The following KLF15 variants were observed in gnomAD, a reference collection of about 807,000 sequenced individuals.
KLF15 encodes KLF transcription factor 15.
KLF15 carries 4 observed loss-of-function variants against 24.6 expected under a neutral mutation model. That is an observed-to-expected ratio of 0.16 (90% CI 0.08 to 0.37). The LOEUF (loss-of-function observed/expected upper bound fraction) is 0.37. Among genes scored for constraint, KLF15 ranks in the 10% least tolerant of loss-of-function variants. The pLI, the probability that KLF15 is intolerant of heterozygous loss-of-function variation, is 1.00. For missense variants in KLF15, 496 were observed against 560.6 expected (o/e 0.88, Z 1.16); for synonymous variants, 246 against 236.3 (o/e 1.04, Z -0.37).
At chr3:126,305,641 A>C in the KLF15 span, among the ~76,000 whole-genome samples, 3 of 152,136 alleles carry the variant, frequency 2.0e-5, no homozygotes, top group African/African-American at 7.2e-5. Context: ...TGCAAGGGAG[A>C]CTGGGAAAGG....
downstream of KLF15, among the ~76,000 whole-genome samples, chr3:126,338,164 G>A (rs1364606181): frequency 1.3e-5 from 2 of 152,186 alleles, no homozygotes; most frequent in East Asian, 1.9e-4. Flanking sequence ...GCCCAGATTT[G>A]TAGTAAGGCC....
chr3:126,303,661 T>C, the KLF15 span, among the ~76,000 whole-genome samples: 4 of 152,234 alleles, frequency 2.6e-5, no homozygotes, highest in South Asian at 8.3e-4. Flanking sequence ...TTCTTGCATC[T>C]GTAGATTAAT....
the KLF15 span, among the ~76,000 whole-genome samples, chr3:126,314,653 G>A: frequency 6.6e-6 from 1 of 152,178 alleles, no homozygotes; most frequent in Non-Finnish European, 1.5e-5. Flanking sequence ...TCACCCCACA[G>A]CTGCACACAG....
chr3:126,309,156 A>G, the KLF15 span, among the ~76,000 whole-genome samples: 4 of 152,360 alleles, frequency 2.6e-5, no homozygotes, highest in Admixed American at 6.5e-5. Context: ...CTGCTTACAT[A>G]AGGAATCTAG....
Position 126,343,002 on chromosome 3 carries a change from G to A in KLF15, c.*725C>T, listed in dbSNP as rs774137319. The A allele has an allele frequency of 2.6e-5, 4 of 152,412 alleles. No individual in the cohort carries two copies. The highest frequency in any genetic ancestry group is 3.9e-4 in the East Asian group (2 of 5,142). The allele number at this position is 152,412 out of a possible 1,614,324, so 9.4% of individuals were successfully genotyped here. A position where few individuals can be genotyped will look rare whatever the true frequency, so the allele number is the denominator to read the frequency against. On this transcript the variant is annotated 3_prime_UTR_variant, in exon 3 of 3. Coordinates refer to ENST00000296233, the MANE Select transcript of KLF15 (RefSeq NM_014079.4). ...TAAAGGCTGGTGTCTGGATTTGTCTGGGAAACCGGAGGAGGGGACGAGCCC... is the reference window on the plus strand; with the variant it reads ...TAAAGGCTGGTGTCTGGATTTGTCTAGGAAACCGGAGGAGGGGACGAGCCC...
At chr3:126,344,003 G>C in intron 2 of KLF15, 108 bp from the exon 3 acceptor site, 3 of 1,221,684 alleles carry the variant, frequency 2.5e-6, no homozygotes, top group Non-Finnish European at 2.2e-6. Context: ...TCACCCAAAG[G>C]GTGGCTGCGC....
At chr3:126,311,286 C>T in the KLF15 span, among the ~76,000 whole-genome samples, 1 of 152,188 alleles carries the variant, frequency 6.6e-6, no homozygotes, top group Non-Finnish European at 1.5e-5. Flanking sequence ...CTGAGAAGTC[C>T]CAGGGCACTC....
the KLF15 span, among the ~76,000 whole-genome samples, chr3:126,330,864 C>G: frequency 1.3e-5 from 2 of 152,208 alleles, no homozygotes; most frequent in African/African-American, 2.4e-5. Flanking sequence ...TCTCCAGAAG[C>G]CTGAGAATGT....
chr3:126,312,794 A>T, the KLF15 span, among the ~76,000 whole-genome samples: 1 of 152,180 alleles, frequency 6.6e-6, no homozygotes, highest in South Asian at 2.1e-4. Context: ...AGGTGTGTGT[A>T]GACTGGCGGG....
the KLF15 span, among the ~76,000 whole-genome samples, chr3:126,313,406 A>C: frequency 6.6e-6 from 1 of 152,178 alleles, no homozygotes. Flanking sequence ...CCTACTCCAG[A>C]ATGACTCCAG....
the KLF15 span, among the ~76,000 whole-genome samples, chr3:126,306,792 G>T: frequency 6.6e-6 from 1 of 152,238 alleles, no homozygotes; most frequent in Non-Finnish European, 1.5e-5. Flanking sequence ...CTGCTCAGCT[G>T]GTTAGAAAGC....
chr3:126,304,075 T>C, the KLF15 span, among the ~76,000 whole-genome samples: 1 of 152,218 alleles, frequency 6.6e-6, no homozygotes, highest in African/African-American at 2.4e-5. Context: ...TGATTTTTCT[T>C]TAGTAACGGT....
At position 126,343,163 on chromosome 3, in the gene KLF15, CCCCCCCCCCCCCCCCCG is replaced by C. The variant is rs2082494358; in HGVS notation, c.*547_*563del. 1.4e-4 allele frequency: 5 copies of C among 35,506 alleles called. No individual in the cohort carries two copies. The highest frequency in any genetic ancestry group is 2.1e-4 in the African/African-American group (2 of 9,384). The allele number at this position is 35,506 out of a possible 1,614,324, so 2.2% of individuals were successfully genotyped here. ...AGCGGCCCGGTCCTGCCCCCCCCCC[CCCCCCCCCCCCCCCCCG>C]GCTCCAGGGACCTGCCCACACCCTC... On this transcript the variant is annotated 3_prime_UTR_variant, in exon 3 of 3. Coordinates refer to ENST00000296233, the MANE Select transcript of KLF15 (RefSeq NM_014079.4).
chr3:126,316,215 G>A, the KLF15 span, among the ~76,000 whole-genome samples: 1 of 152,066 alleles, frequency 6.6e-6, no homozygotes, highest in Admixed American at 6.6e-5. Context: ...GCGGAGTGGG[G>A]AAGGGAGTCC....
At chr3:126,322,719 A>T in the KLF15 span, among the ~76,000 whole-genome samples, 1 of 152,202 alleles carries the variant, frequency 6.6e-6, no homozygotes, top group East Asian at 1.9e-4. Context: ...TCTGTATCTT[A>T]TCCCATCCAT....
At chr3:126,327,671 G>T in the KLF15 span, among the ~76,000 whole-genome samples, 1 of 152,160 alleles carries the variant, frequency 6.6e-6, no homozygotes. Flanking sequence ...CTGCATTCCA[G>T]ACTTCATACA....
the KLF15 span, among the ~76,000 whole-genome samples, chr3:126,313,080 C>T: frequency 6.6e-6 from 1 of 152,134 alleles, no homozygotes; most frequent in African/African-American, 2.4e-5. Flanking sequence ...TTAAACAGGC[C>T]ATAAAGTGAA....
the KLF15 span, among the ~76,000 whole-genome samples, chr3:126,302,280 A>G: frequency 6.6e-6 from 1 of 152,076 alleles, no homozygotes; most frequent in Non-Finnish European, 1.5e-5. Context: ...ATTTATTGGG[A>G]CTGTTTTATG....
the KLF15 span, among the ~76,000 whole-genome samples, chr3:126,303,165 C>T: frequency 2.6e-5 from 4 of 151,956 alleles, no homozygotes; most frequent in East Asian, 7.7e-4. Context: ...ACTTTTGGTC[C>T]ATCAATTAGC....
Sources: allele counts gnomAD v4.1 joint callset (sites outside exome capture counted in the v4.1 genomes callset), GRCh38; gene constraint gnomAD v4.1.1; transcripts MANE v1.5; gene names NCBI Gene and HGNC (gene_info 2026-07-23, HGNC 2026-07-21).